Variants in UBE2V2 observed in about 807,000 individuals in gnomAD.
UBE2V2 encodes the protein ubiquitin conjugating enzyme E2 V2, also known as ubiquitin-conjugating enzyme E2 variant 2.
In UBE2V2, 9 loss-of-function variants were observed where a neutral mutation model predicts 17.2. That is an observed-to-expected ratio of 0.52 (90% CI 0.32 to 0.91). The LOEUF (loss-of-function observed/expected upper bound fraction) is 0.91. Among genes scored for constraint, UBE2V2 ranks in the 40% least tolerant of loss-of-function variants. The probability of loss-of-function intolerance (pLI) is 0.04; values close to 1 mark genes in which losing one functional copy is unlikely to be tolerated. For missense variants in UBE2V2, 133 were observed against 182.6 expected (o/e 0.73, Z 1.56); for synonymous variants, 61 against 57.5 (o/e 1.06, Z -0.28).
At chr8:48,008,197 C>T (rs558705839), upstream of UBE2V2, among the ~76,000 whole-genome samples, 1 of 152,322 alleles carries the variant, frequency 6.6e-6, no homozygotes, top group East Asian at 1.9e-4. Flanking sequence ...GCTGGGATTA[C>T]AGACGTGAGC....
At chr8:48,046,737 T>C (rs927883367) in intron 2 of UBE2V2, among the ~76,000 whole-genome samples, 5 of 152,088 alleles carry the variant, frequency 3.3e-5, no homozygotes, top group South Asian at 4.2e-4. Flanking sequence ...GCTGGGACTA[T>C]AGGGGTACAC....
intron 1 of UBE2V2, among the ~76,000 whole-genome samples, chr8:48,019,542 C>T (rs1345895975): frequency 6.7e-6 from 1 of 148,700 alleles, no homozygotes. Flanking sequence ...AACGGCAGGG[C>T]ATGGTGGCTC....
chr8:48,056,681 T>C (rs929749823), intron 3 of UBE2V2, among the ~76,000 whole-genome samples: 13 of 151,608 alleles, frequency 8.6e-5, no homozygotes, highest in South Asian at 2.1e-4. Context: ...TGTGAGCCAC[T>C]GCACCTGGCC....
chr8:48,057,017 C>A (rs540735269), intron 3 of UBE2V2, among the ~76,000 whole-genome samples: 3 of 152,192 alleles, frequency 2.0e-5, no homozygotes, highest in African/African-American at 7.2e-5. Context: ...TGAGCCACCA[C>A]GCCTGGCCTG....
chr8:48,034,955 C>T, intron 1 of UBE2V2: 1 of 940,162 alleles, frequency 1.1e-6, no homozygotes, highest in Non-Finnish European at 1.3e-6. Flanking sequence ...CTCCAGGTGG[C>T]CAGTTAGGAC....
Position 48,016,854 on chromosome 8 carries a change from T to G in UBE2V2, c.16+8384T>G, listed in dbSNP as rs533384401. Among the ~76,000 whole-genome samples, 765 of 147,060 alleles carry G rather than the reference T, an allele frequency of 5.2e-3. 12 individuals are homozygous for G. Among genetic ancestry groups the G allele is most frequent in the African/African-American group, 0.019 (739 of 39,362 alleles). On this transcript the variant is annotated intron_variant, in intron 1 of 3. Coordinates refer to ENST00000523111, the MANE Select transcript of UBE2V2 (RefSeq NM_003350.3). ...TAGGCTGGAGTGCAGTGGCGAGATG[T>G]CAGTTGACTGCAACCTCCACCTCCA...
At chr8:48,057,726 A>G (rs2091582183) in intron 3 of UBE2V2, among the ~76,000 whole-genome samples, 1 of 152,138 alleles carries the variant, frequency 6.6e-6, no homozygotes, top group South Asian at 2.1e-4. Context: ...TCAGTGCACA[A>G]GTTTTACACT....
chr8:48,042,057 T>G (rs986967935), intron 1 of UBE2V2: 1 of 152,268 alleles, frequency 6.6e-6, no homozygotes, highest in African/African-American at 2.4e-5. Context: ...CCTCCCAAAG[T>G]GCTGGGATTA....
chr8:48,029,375 T>G (rs2091367682), intron 1 of UBE2V2, among the ~76,000 whole-genome samples: 1 of 152,144 alleles, frequency 6.6e-6, no homozygotes, highest in Non-Finnish European at 1.5e-5. Flanking sequence ...ATGCAGGATA[T>G]GGTCAGAAAC....
intron 1 of UBE2V2, among the ~76,000 whole-genome samples, chr8:48,025,671 C>T (rs1390896120): frequency 1.3e-5 from 2 of 151,066 alleles, no homozygotes; most frequent in African/African-American, 4.9e-5. Flanking sequence ...GTGATCTCGG[C>T]TCACTGCAAG....
chr8:48,056,117 G>A (rs977896134), intron 3 of UBE2V2, among the ~76,000 whole-genome samples: 7 of 152,172 alleles, frequency 4.6e-5, no homozygotes, highest in South Asian at 4.1e-4. Flanking sequence ...GAATCATAGA[G>A]TATGTGTTCT....
chr8:48,025,618 G>A (rs1202619043), intron 1 of UBE2V2, among the ~76,000 whole-genome samples: 1 of 136,400 alleles, frequency 7.3e-6, no homozygotes, highest in Non-Finnish European at 1.6e-5. Context: ...TTTTTTTTTT[G>A]AGATGGAGTC....
At chr8:48,007,765 T>C (rs1266767918), upstream of UBE2V2, among the ~76,000 whole-genome samples, 2 of 150,724 alleles carry the variant, frequency 1.3e-5, no homozygotes, top group African/African-American at 4.9e-5. Flanking sequence ...AAATGGAGTC[T>C]CCCTCTGTTG....
intron 1 of UBE2V2, among the ~76,000 whole-genome samples, chr8:48,034,164 C>T (rs759408798): frequency 2.7e-5 from 4 of 146,864 alleles, no homozygotes; most frequent in African/African-American, 8.0e-5. Flanking sequence ...GCACTGTCAC[C>T]GGGCTGGAGT....
intron 2 of UBE2V2, among the ~76,000 whole-genome samples, chr8:48,045,148 T>A (rs769481674): frequency 1.3e-5 from 2 of 152,092 alleles, no homozygotes; most frequent in Non-Finnish European, 2.9e-5. Flanking sequence ...CTGTGGGTGG[T>A]GGTTTTGGAG....
chr8:48,019,212 A>G (rs2091288268), intron 1 of UBE2V2, among the ~76,000 whole-genome samples: 1 of 152,138 alleles, frequency 6.6e-6, no homozygotes, highest in Non-Finnish European at 1.5e-5. Context: ...TAAAAATACA[A>G]AAATTAGCCA....
In UBE2V2 at chr8:48,046,687, C is replaced by T. The variant is rs142876467; in HGVS notation, c.166-3166C>T. ...CGATCACACCTCACAGCCTGGACCC[C>T]CTGGGCTCAAACAATCCTCCCACCT... On this transcript the variant is annotated intron_variant, in intron 2 of 3. Coordinates refer to ENST00000523111, the MANE Select transcript of UBE2V2 (RefSeq NM_003350.3). Among the ~76,000 whole-genome samples, 6 of 152,262 alleles carry T rather than the reference C, an allele frequency of 3.9e-5. No homozygotes were observed. The East Asian group carries it at 9.7e-4, about 25-fold the overall frequency.
At chr8:48,015,895 GTTT>G (rs1168641766) in intron 1 of UBE2V2, among the ~76,000 whole-genome samples, 2 of 132,216 alleles carry the variant, frequency 1.5e-5, no homozygotes, top group African/African-American at 5.7e-5. Flanking sequence ...TGTCTGTGTG[GTTT>G]TTTTTTTTTT....
chr8:48,017,445 C>G (rs543122087), intron 1 of UBE2V2, among the ~76,000 whole-genome samples: 1 of 151,508 alleles, frequency 6.6e-6, no homozygotes, highest in East Asian at 2.0e-4. Flanking sequence ...ACGATCTCAG[C>G]TCACTGCAAG....
Sources: allele counts gnomAD v4.1 joint callset (sites outside exome capture counted in the v4.1 genomes callset), GRCh38; gene constraint gnomAD v4.1.1; transcripts MANE v1.5; gene names NCBI Gene and HGNC (gene_info 2026-07-23, HGNC 2026-07-21).